Variants in PRH1 observed in about 807,000 individuals in gnomAD.
PRH1 encodes proline rich protein HaeIII subfamily 1, also known as salivary acidic proline-rich phosphoprotein 1/2.
A neutral mutation model predicts 7.9 loss-of-function variants in PRH1; 7 were observed. The ratio of observed to expected loss-of-function variants is 0.89; its 90% CI spans 0.50 to 1.67. PRH1 has a LOEUF of 1.67. Among genes scored for constraint, PRH1 ranks in the 40% most tolerant of loss-of-function variants. The pLI, the probability that PRH1 is intolerant of heterozygous loss-of-function variation, is 0.00. For missense variants in PRH1, 109 were observed against 223.6 expected (o/e 0.49, Z 3.27); for synonymous variants, 45 against 80.8 (o/e 0.56, Z 2.38).
intron 1 of PRH1, among the ~76,000 whole-genome samples, chr12:11,053,888 T>A (rs1329181799): frequency 6.6e-6 from 1 of 152,166 alleles, no homozygotes; most frequent in Non-Finnish European, 1.5e-5. Context: ...TGGCACAATC[T>A]CAGCTAACTG....
intron 1 of PRH1, among the ~76,000 whole-genome samples, chr12:11,088,541 C>T (rs1944785073): frequency 9.2e-6 from 1 of 109,198 alleles, no homozygotes; most frequent in Admixed American, 9.5e-5. Flanking sequence ...CACGTTGAAA[C>T]AATCTTTTTT....
At chr12:10,925,981 A>T (rs930074587) in intron 2 of PRH1, among the ~76,000 whole-genome samples, 1 of 152,238 alleles carries the variant, frequency 6.6e-6, no homozygotes, top group East Asian at 1.9e-4. Context: ...GGAACATAGT[A>T]AATGTTTAAA....
intron 2 of PRH1, among the ~76,000 whole-genome samples, chr12:10,939,909 G>A (rs375137240): frequency 2.0e-5 from 3 of 151,968 alleles, no homozygotes; most frequent in Admixed American, 6.6e-5. Context: ...ATTTGAATAC[G>A]TTAATTAGTT....
chr12:10,959,535 GA>G (rs1229565728), intron 2 of PRH1, among the ~76,000 whole-genome samples: 3 of 151,980 alleles, frequency 2.0e-5, no homozygotes, highest in Admixed American at 6.5e-5. Flanking sequence ...TGATCATAGA[GA>G]AAAAAACTTA....
At chr12:11,145,757 A>T (rs1368695435) in intron 1 of PRH1, among the ~76,000 whole-genome samples, 1 of 118,210 alleles carries the variant, frequency 8.5e-6, no homozygotes, top group Non-Finnish European at 2.0e-5. Flanking sequence ...TTTAAAAATT[A>T]AGAACTTTTT....
intron 2 of PRH1, among the ~76,000 whole-genome samples, chr12:10,894,189 C>T (rs1426297879): frequency 6.6e-6 from 1 of 152,066 alleles, no homozygotes; most frequent in Admixed American, 6.6e-5. Flanking sequence ...TAAAATCTTA[C>T]TGATTTTTTA....
chr12:10,951,278 A>G (rs1950565942), intron 2 of PRH1, among the ~76,000 whole-genome samples: 1 of 152,186 alleles, frequency 6.6e-6, no homozygotes, highest in Non-Finnish European at 1.5e-5. Flanking sequence ...TGTGTTCAGC[A>G]ACATCACTTG....
intron 2 of PRH1, among the ~76,000 whole-genome samples, chr12:10,913,256 A>G (rs894549176): frequency 6.6e-6 from 1 of 152,192 alleles, no homozygotes; most frequent in African/African-American, 2.4e-5. Context: ...GATCGAGACC[A>G]GCATGGCTAA....
intron 1 of PRH1, among the ~76,000 whole-genome samples, chr12:11,001,575 G>A (rs1037539135): frequency 1.3e-5 from 2 of 152,126 alleles, no homozygotes; most frequent in African/African-American, 2.4e-5. Flanking sequence ...CAACTCTGAA[G>A]CAAAGTGTGC....
At chr12:11,139,519 G>A (rs1158384712) in intron 1 of PRH1, among the ~76,000 whole-genome samples, 2 of 152,038 alleles carry the variant, frequency 1.3e-5, no homozygotes, top group African/African-American at 4.8e-5. Flanking sequence ...TTTCCATCTT[G>A]ATAATTCCTT....
At chr12:11,051,975 T>C (rs189854383), upstream of PRH1, among the ~76,000 whole-genome samples, 1 of 152,370 alleles carries the variant, frequency 6.6e-6, no homozygotes, top group Non-Finnish European at 1.5e-5. Context: ...CTACAATTCC[T>C]TTGCATTTAT....
intron 1 of PRH1, among the ~76,000 whole-genome samples, chr12:11,167,811 G>A (rs1947625283): frequency 6.6e-6 from 1 of 152,288 alleles, no homozygotes. Context: ...CTTTGTTAGA[G>A]CAGAAGCAAC....
At chr12:11,102,171 C>T (rs1279532270) in intron 1 of PRH1, among the ~76,000 whole-genome samples, 1 of 152,106 alleles carries the variant, frequency 6.6e-6, no homozygotes, top group Non-Finnish European at 1.5e-5. Flanking sequence ...TGACTTTCTT[C>T]ACAGAATTGG....
chr12:10,899,057 T>G (rs4763590), intron 2 of PRH1, among the ~76,000 whole-genome samples: 1 of 152,116 alleles, frequency 6.6e-6, no homozygotes, highest in East Asian at 1.9e-4. Context: ...TGCCTACTGC[T>G]CCTCTCTTGT....
intron 1 of PRH1, among the ~76,000 whole-genome samples, chr12:11,067,230 T>C (rs1382894001): frequency 6.6e-6 from 1 of 152,192 alleles, no homozygotes; most frequent in African/African-American, 2.4e-5. Flanking sequence ...AATCAAAAAA[T>C]TTATATTAAC....
chr12:10,942,434 T>A (rs527579846), intron 2 of PRH1, among the ~76,000 whole-genome samples: 2 of 152,190 alleles, frequency 1.3e-5, no homozygotes, highest in South Asian at 2.1e-4. Context: ...TTAATGGAGT[T>A]ATGCACCTAG....
chr12:11,026,404 T>C (rs1941917666), intron 1 of PRH1, among the ~76,000 whole-genome samples: 1 of 111,548 alleles, frequency 9.0e-6, no homozygotes, highest in African/African-American at 3.3e-5. Context: ...GCTAATCAGT[T>C]TGTAGTTACT....
intron 1 of PRH1, 88 bp from the exon 2 acceptor site, chr12:10,883,184 T>A: frequency 7.0e-7 from 1 of 1,433,746 alleles, no homozygotes; most frequent in Non-Finnish European, 9.8e-7. Flanking sequence ...GGACCTCTGA[T>A]CACACCCTGT....
chr12:10,948,504 T>C lies in PRH1; in HGVS notation c.-59+25151A>G, dbSNP rs73265389. On this transcript the variant is annotated intron_variant, in intron 2 of 3. Coordinates refer to the PRH1 transcript ENST00000539853. ...CCCATTAAATTCTTTCTAATACTGG[T>C]TATTTCATCCTTCAGCTCCTGTATC... Among the ~76,000 whole-genome samples, 1,493 of 152,298 alleles carry C rather than the reference T, an allele frequency of 9.8e-3. 20 individuals are homozygous for C. The highest frequency in any genetic ancestry group is 0.034 in the African/African-American group (1,402 of 41,562).
Sources: allele counts gnomAD v4.1 joint callset (sites outside exome capture counted in the v4.1 genomes callset), GRCh38; gene constraint gnomAD v4.1.1; transcripts MANE v1.5; gene names NCBI Gene and HGNC (gene_info 2026-07-23, HGNC 2026-07-21).